The following DNAH10 variants were observed in gnomAD, a reference collection of about 807,000 sequenced individuals.
The protein encoded by DNAH10 is axonemal beta dynein heavy chain 10.
Under a neutral mutation model 506.6 loss-of-function variants are expected in DNAH10, and 348 were observed. That is an observed-to-expected ratio of 0.69 (90% CI 0.63 to 0.75). The LOEUF is 0.75. DNAH10 is among the 30% of genes least tolerant of loss of function. The pLI is 0.00. For synonymous variants in DNAH10, 2,059 were observed against 2,198.6 expected (o/e 0.94, Z 1.78); for missense variants, 5,179 against 5,787.1 (o/e 0.89, Z 3.41).
At chr12:123,778,086 C>T (rs7137299) in intron 5 of DNAH10, among the ~76,000 whole-genome samples, 112,024 of 151,856 alleles carry the variant, frequency 0.74, 41,978 homozygotes, top group East Asian at 1. Context: ...GTCTGTAGTC[C>T]CAGCTACTCT....
Position 123,897,879 on chromosome 12 carries a change from G to A in DNAH10, c.9390G>A (p.Arg3130=). 6.2e-7 allele frequency: 1 copy of A among 1,611,152 alleles called. No homozygotes were observed. Among genetic ancestry groups the A allele is most frequent in the Non-Finnish European group, 8.5e-7 (1 of 1,179,198 alleles). Residue 3130 remains arginine, a synonymous_variant, in exon 55 of 79, where the codon AGG becomes AGA. Coordinates refer to ENST00000673944, the MANE Select transcript of DNAH10 (RefSeq NM_001372106.1). Reference sequence around the variant, plus strand: ...GCCAACAGTTTCTACAGAAATTGAGGCGCAGCAACTATGTCACTCCCAAGA... The same window carrying A: ...GCCAACAGTTTCTACAGAAATTGAGACGCAGCAACTATGTCACTCCCAAGA... ...HYSQQFLQKL[R]RSNYVTPKNY...
chr12:123,817,300 T>C (rs528053787), intron 21 of DNAH10, among the ~76,000 whole-genome samples: 1 of 152,176 alleles, frequency 6.6e-6, no homozygotes, highest in African/African-American at 2.4e-5. Flanking sequence ...GTTTTTGCCT[T>C]ATTTTTTTTC....
At chr12:123,836,412 G>A (rs1565968991) in intron 28 of DNAH10, among the ~76,000 whole-genome samples, 1 of 152,182 alleles carries the variant, frequency 6.6e-6, no homozygotes, top group Non-Finnish European at 1.5e-5. Flanking sequence ...CTTGCCTAAT[G>A]CTTTTTCCAT....
chr12:123,765,576 C>T (rs1566306283), intron 1 of DNAH10, among the ~76,000 whole-genome samples: 2 of 148,732 alleles, frequency 1.3e-5, no homozygotes, highest in African/African-American at 5.2e-5. Flanking sequence ...ATCTATCTAT[C>T]TATCTATCTA....
intron 52 of DNAH10, among the ~76,000 whole-genome samples, chr12:123,890,431 C>T (rs1030989170): frequency 2.0e-5 from 3 of 150,784 alleles, no homozygotes; most frequent in Non-Finnish European, 4.4e-5. Flanking sequence ...TCACCACAAC[C>T]AGCTGATTAA....
rs370691843 is a variant in DNAH10 at position 123,914,588 on chromosome 12, C to T, written c.10574+38C>T. On this transcript the variant is annotated intron_variant, in intron 61 of 78. Coordinates refer to ENST00000673944, the MANE Select transcript of DNAH10 (RefSeq NM_001372106.1). ...CTGAGCCAGCAGGAGGGAGGGGACA[C>T]CTTAGCACAGGGGGTCTACGTGGGT... The T allele has an allele frequency of 2.0e-4, 314 of 1,590,088 alleles. 1 individual carries two copies. The highest frequency in any genetic ancestry group is 2.6e-4 in the Non-Finnish European group (301 of 1,168,086).
chr12:123,929,503 C>T lies in DNAH10; in HGVS notation c.12516+19C>T. On this transcript the variant is annotated intron_variant, in intron 71 of 78. Transcript: ENST00000673944. ...CTTCCAGGTGACAGTGGCTGCTTCTCCTTGGAAATGGCTTCCTTAGGCGGC... is the reference window on the plus strand; with the variant it reads ...CTTCCAGGTGACAGTGGCTGCTTCTTCTTGGAAATGGCTTCCTTAGGCGGC... The T allele has an allele frequency of 1.9e-6, 3 of 1,609,134 alleles. No individual in the cohort carries two copies. Among genetic ancestry groups the T allele is most frequent in the Non-Finnish European group, 2.5e-6 (3 of 1,177,822 alleles).
At chr12:123,802,100 C>T (rs1006040359) in intron 16 of DNAH10, among the ~76,000 whole-genome samples, 2 of 152,204 alleles carry the variant, frequency 1.3e-5, no homozygotes, top group Non-Finnish European at 2.9e-5. Flanking sequence ...AAGCATACCC[C>T]ACGGTATCAA....
chr12:123,836,501 C>A (rs1333654789), intron 28 of DNAH10, among the ~76,000 whole-genome samples: 4 of 152,088 alleles, frequency 2.6e-5, no homozygotes, highest in Non-Finnish European at 5.9e-5. Flanking sequence ...AAAGTCATTT[C>A]CAAAAAGGGT....
intron 72 of DNAH10, 49 bp from the exon 73 acceptor site, chr12:123,930,353 C>T (rs1417384055): frequency 6.9e-7 from 1 of 1,452,686 alleles, no homozygotes; most frequent in Middle Eastern, 2.4e-4. Flanking sequence ...CCAGGGTGCA[C>T]ACAGTAGGTT....
rs1305340953 is a variant in DNAH10, at chr12:123,787,316, C to T, written c.1422-488C>T. 1.3e-5 allele frequency among the ~76,000 whole-genome samples: 2 copies of T among 152,096 alleles called. No individual in the cohort carries two copies. Among genetic ancestry groups the T allele is most frequent in the Non-Finnish European group, 2.9e-5 (2 of 68,012 alleles). On this transcript the variant is annotated intron_variant, in intron 9 of 78. Coordinates refer to ENST00000673944, the MANE Select transcript of DNAH10 (RefSeq NM_001372106.1). The surrounding 1 kb of genome is among the most constrained non-coding windows in gnomAD (Gnocchi z 4.6). ...TAGATAGCATATAAATGGAATCAGA[C>T]ACTATATGACTTTTTGTTATCTATA...
intron 50 of DNAH10, among the ~76,000 whole-genome samples, chr12:123,881,248 C>G (rs547705704): frequency 1.3e-5 from 2 of 152,300 alleles, no homozygotes; most frequent in African/African-American, 4.8e-5. Context: ...AATGGTTGAA[C>G]TAGTTTACAG....
Position 123,802,180 on chromosome 12 carries a change from G to C in DNAH10, c.2614+748G>C, listed in dbSNP as rs1473186396. Among the ~76,000 whole-genome samples, 5 of 152,196 alleles carry C rather than the reference G, an allele frequency of 3.3e-5. No individual in the cohort carries two copies. In the East Asian group the frequency reaches 9.6e-4, roughly 29 times the overall value. The stretch of plus-strand genomic sequence containing the variant: ...GGTTGTTTCCGGTTTTGGCTCTTAG[G>C]AATAAAGCTGCTATAAACATTTGTG... On this transcript the variant is annotated intron_variant, in intron 16 of 78. Coordinates refer to ENST00000673944, the MANE Select transcript of DNAH10 (RefSeq NM_001372106.1).
chr12:123,789,874 A>G lies in DNAH10; in HGVS notation c.1621-53A>G, dbSNP rs1048334122. 33 of 1,520,504 alleles carry G rather than the reference A, an allele frequency of 2.2e-5. No homozygotes were observed. The East Asian group carries it at 6.8e-4, about 31-fold the overall frequency. The allele number at this position is 1,520,504 out of a possible 1,614,324, so 94.2% of individuals were successfully genotyped here. A position where few individuals can be genotyped will look rare whatever the true frequency, so the allele number is the denominator to read the frequency against. On this transcript the variant is annotated intron_variant, in intron 10 of 78. Coordinates refer to ENST00000673944, the MANE Select transcript of DNAH10 (RefSeq NM_001372106.1). ...TATGCTATCCATTTGTAGTTCTAAT[A>G]TTCACAGGAAAACCCAAATGTAATC...
In DNAH10 at chr12:123,813,651, G is replaced by A. The variant is rs766109961; in HGVS notation, c.3621+11G>A. On this transcript the variant is annotated intron_variant, in intron 20 of 78. Coordinates refer to ENST00000673944, the MANE Select transcript of DNAH10 (RefSeq NM_001372106.1). ...CATGAAGAGATGGAGGTACTCAATC[G>A]CTGTGTGTAATTGAAACTACTTTTC... 3.0e-5 allele frequency: 48 copies of A among 1,613,366 alleles called. No homozygotes were observed. Among genetic ancestry groups the A allele is most frequent in the African/African-American group, 1.5e-4 (11 of 74,988 alleles).
In DNAH10 at chr12:123,930,028, A is replaced by T. The variant is rs984865769; in HGVS notation, c.12612+269A>T. On this transcript the variant is annotated intron_variant, in intron 72 of 78. Coordinates refer to ENST00000673944, the MANE Select transcript of DNAH10 (RefSeq NM_001372106.1). ...TTGCCTCAGCTGTTGCTGTATACAGAGCTCACAGGAAGCATCCCCGGTGGT... is the reference window on the plus strand; with the variant it reads ...TTGCCTCAGCTGTTGCTGTATACAGTGCTCACAGGAAGCATCCCCGGTGGT... 4 of 564,828 alleles carry T rather than the reference A, an allele frequency of 7.1e-6. No individual in the cohort carries two copies. The South Asian group carries it at 7.2e-5, about 10-fold the overall frequency. 35.0% of individuals were successfully genotyped at this position (564,828 alleles called of 1,614,324 possible).
intron 1 of DNAH10, among the ~76,000 whole-genome samples, chr12:123,766,032 CTCTG>C (rs988591250): frequency 3.9e-5 from 6 of 152,102 alleles, no homozygotes; most frequent in African/African-American, 7.2e-5. Flanking sequence ...ATACATCTAT[CTCTG>C]TCTATACATC....
chr12:123,914,402 T>A lies in DNAH10; in HGVS notation c.10426T>A (p.Phe3476Ile), dbSNP rs757982786. Residue 3476 changes from phenylalanine (F) to isoleucine (I), a missense_variant, in exon 61 of 79, where the codon TTC becomes ATC. Physicochemically the swap from Phe to Ile is conservative, Grantham distance 21. Coordinates refer to ENST00000673944, the MANE Select transcript of DNAH10 (RefSeq NM_001372106.1). ...GGGGGACTGCCTGCTCTGCGCGGCTTTCCTCAGCTACGAGGGAGCCTTCAC... is the reference window on the plus strand; with the variant it reads ...GGGGGACTGCCTGCTCTGCGCGGCTATCCTCAGCTACGAGGGAGCCTTCAC... ...LLGDCLLCAAFLSYEGAFTWE... is the reference protein window; with the variant it reads ...LLGDCLLCAAILSYEGAFTWE... The A allele has an allele frequency of 6.2e-7, 1 of 1,613,656 alleles. No individual in the cohort carries two copies. Among genetic ancestry groups the A allele is most frequent in the African/African-American group, 1.3e-5 (1 of 75,056 alleles).
chr12:123,923,211 T>C (rs1296547431), intron 65 of DNAH10: 1 of 152,268 alleles, frequency 6.6e-6, no homozygotes, highest in African/African-American at 2.4e-5. Flanking sequence ...TCTGGCCCAC[T>C]GCCTGCTTTT....
Sources: gnomAD v4.1 joint callset for allele counts (sites outside exome capture counted in the v4.1 genomes callset) on GRCh38, gnomAD v4.1.1 for gene constraint, Gnocchi (gnomAD v3.1) non-coding constraint, MANE v1.5 for transcripts, NCBI Gene and HGNC (gene_info 2026-07-23, HGNC 2026-07-21) for gene names.